The following PAK3 variants were observed in gnomAD, a reference collection of about 807,000 sequenced individuals.
PAK3 encodes serine/threonine-protein kinase PAK 3.
In PAK3, 4 loss-of-function variants were observed where a neutral mutation model predicts 41.0. The ratio of observed to expected loss-of-function variants is 0.10; its 90% CI spans 0.05 to 0.22. The LOEUF is 0.22. PAK3 is among the 10% of genes least tolerant of loss of function. PAK3 has a pLI of 1.00. For synonymous variants in PAK3, 146 were observed against 139.6 expected, an observed-to-expected ratio of 1.05 and a Z score of -0.32; for missense variants, 205 against 409.9, an observed-to-expected ratio of 0.50 and a Z score of 4.32.
At chrX:111,159,707 T>C (rs942307954) in intron 8 of PAK3, among the ~76,000 whole-genome samples, 1 of 112,227 alleles carries the variant, frequency 8.9e-6, no homozygotes, top group African/African-American at 3.2e-5. Context: ...CATTAACAGA[T>C]GTTGCTATCC....
At chrX:111,039,785 G>A (rs1018540934) in intron 1 of PAK3, among the ~76,000 whole-genome samples, 1 of 110,074 alleles carries the variant, frequency 9.1e-6, no homozygotes, top group African/African-American at 3.3e-5. Context: ...AATCCAAACC[G>A]GGAAGGCAAG....
chrX:111,186,925 A>T (rs1049759023), intron 11 of PAK3, among the ~76,000 whole-genome samples: 1 of 111,798 alleles, frequency 8.9e-6, no homozygotes, highest in African/African-American at 3.2e-5. Context: ...AATCAGCACA[A>T]CATGGTTGGC....
chrX:111,161,787 A>G (rs1167113764), intron 8 of PAK3, among the ~76,000 whole-genome samples: 2 of 110,915 alleles, frequency 1.8e-5, no homozygotes, highest in Non-Finnish European at 3.8e-5. Flanking sequence ...GATATGTGGC[A>G]TTATTTCTGA....
chrX:111,029,290 A>G (rs754509441), intron 1 of PAK3, among the ~76,000 whole-genome samples: 62 of 111,858 alleles, frequency 5.5e-4, no homozygotes, highest in Admixed American at 2.8e-4. Context: ...AATAGAACAG[A>G]CGAAGATGCA....
chrX:110,976,226 T>C (rs1364746641), intron 1 of PAK3, among the ~76,000 whole-genome samples: 1 of 112,245 alleles, frequency 8.9e-6, no homozygotes, highest in Non-Finnish European at 1.9e-5. Context: ...AAAGGGCTAA[T>C]ATCCAGAATC....
At chrX:111,116,918 G>A (rs770135900) in intron 4 of PAK3, among the ~76,000 whole-genome samples, 2 of 112,182 alleles carry the variant, frequency 1.8e-5, no homozygotes, top group South Asian at 7.4e-4. Context: ...TGCCTAACAA[G>A]TAGCTCAGCT....
chrX:111,019,894 A>T (rs1481153205), intron 1 of PAK3, among the ~76,000 whole-genome samples: 1 of 111,182 alleles, frequency 9.0e-6, no homozygotes, highest in Non-Finnish European at 1.9e-5. Context: ...AACCACACAC[A>T]CACACAAACA....
intron 1 of PAK3, among the ~76,000 whole-genome samples, chrX:111,054,786 AC>A (rs1056195585): frequency 2.3e-4 from 26 of 110,818 alleles, no homozygotes; most frequent in African/African-American, 7.6e-4. Flanking sequence ...TCCTCTGCAA[AC>A]CCCCTGCCTC....
chrX:111,014,991 G>A (rs745540506), intron 1 of PAK3, among the ~76,000 whole-genome samples: 1 of 111,077 alleles, frequency 9.0e-6, no homozygotes, highest in African/African-American at 3.3e-5. Flanking sequence ...GACAATAATA[G>A]TAGTCATCTC....
chrX:111,037,477 C>T (rs767302236), intron 1 of PAK3, among the ~76,000 whole-genome samples: 8 of 111,236 alleles, frequency 7.2e-5, no homozygotes, highest in Admixed American at 5.8e-4. Context: ...GTGGCTTTAC[C>T]ACTCAAAGAA....
At position 111,221,895 on chromosome X, in the gene PAK3, G is replaced by C. The variant is rs1315113755; in HGVS notation, c.*1448G>C. ...TATCCCAAGAAATGTCAGTCCGACA[G>C]AATTCCTTATATGACTTGGGGAAAA... On this transcript the variant is annotated 3_prime_UTR_variant, in exon 18 of 18. Coordinates refer to ENST00000372007, the MANE Select transcript of PAK3 (RefSeq NM_002578.5). 4 of 112,018 alleles carry C rather than the reference G, an allele frequency of 3.6e-5. No individual in the cohort carries two copies. The highest frequency in any genetic ancestry group is 7.5e-5 in the Non-Finnish European group (4 of 53,141). The allele number at this position is 112,018 out of a possible 1,213,427, so 9.2% of individuals were successfully genotyped here. A position where few individuals can be genotyped will look rare whatever the true frequency, so the allele number is the denominator to read the frequency against.
chrX:111,076,239 A>T (rs1161611153), intron 1 of PAK3, among the ~76,000 whole-genome samples: 1 of 111,430 alleles, frequency 9.0e-6, no homozygotes, highest in Non-Finnish European at 1.9e-5. Flanking sequence ...CAGGGGCAGA[A>T]TTATATGGTT....
At chrX:111,053,763 C>A (rs1252670220) in intron 1 of PAK3, among the ~76,000 whole-genome samples, 2 of 111,115 alleles carry the variant, frequency 1.8e-5, no homozygotes, top group African/African-American at 3.3e-5. Context: ...TAGCATGAGC[C>A]CAGACAGCAC....
intron 1 of PAK3, among the ~76,000 whole-genome samples, chrX:111,012,368 T>C (rs139224959): frequency 8.0e-5 from 9 of 112,010 alleles, no homozygotes; most frequent in Non-Finnish European, 1.1e-4. Flanking sequence ...CTTCTCTTCA[T>C]TGGGATCCCA....
intron 10 of PAK3, among the ~76,000 whole-genome samples, chrX:111,171,420 C>G (rs2094339469): frequency 9.1e-6 from 1 of 110,152 alleles, no homozygotes; most frequent in Non-Finnish European, 1.9e-5. Flanking sequence ...AAGCTGCACC[C>G]TTATTCCCAT....
At chrX:111,212,969 A>G (rs769641792) in intron 16 of PAK3, among the ~76,000 whole-genome samples, 1 of 112,405 alleles carries the variant, frequency 8.9e-6, no homozygotes, top group South Asian at 3.7e-4. Context: ...ACCAATAGTA[A>G]TTATGGTGCA....
At chrX:111,179,586 T>A (rs1400562272) in intron 11 of PAK3, among the ~76,000 whole-genome samples, 1 of 111,413 alleles carries the variant, frequency 9.0e-6, no homozygotes, top group East Asian at 2.8e-4. Context: ...ATCATTTAAC[T>A]CCCAGTCTAT....
chrX:111,006,152 C>T (rs1156272805), intron 1 of PAK3, among the ~76,000 whole-genome samples: 1 of 111,983 alleles, frequency 8.9e-6, no homozygotes, highest in African/African-American at 3.2e-5. Flanking sequence ...GGAGTTAGGG[C>T]CACAGCATTG....
At chrX:111,014,346 T>G (rs913054200) in intron 1 of PAK3, among the ~76,000 whole-genome samples, 2 of 111,222 alleles carry the variant, frequency 1.8e-5, no homozygotes, top group Non-Finnish European at 3.8e-5. Flanking sequence ...GTAAAAAAAA[T>G]TAGGTAGTTA....
Sources: gnomAD v4.1 joint callset for allele counts (sites outside exome capture counted in the v4.1 genomes callset) on GRCh38, gnomAD v4.1.1 for gene constraint, MANE v1.5 for transcripts, NCBI Gene and HGNC (gene_info 2026-07-23, HGNC 2026-07-21) for gene names.